The following ZGRF1 variants were observed in gnomAD, a reference collection of about 807,000 sequenced individuals.
The protein encoded by ZGRF1 is zinc finger GRF-type containing 1, also known as 5'-3' DNA helicase ZGRF1.
ZGRF1 carries 196 observed loss-of-function variants against 203.5 expected under a neutral mutation model. The ratio of observed to expected loss-of-function variants is 0.96; its 90% CI spans 0.86 to 1.08. The LOEUF (loss-of-function observed/expected upper bound fraction) is 1.08, where lower values mean the gene tolerates loss of function less well. ZGRF1 is among the 50% of genes least tolerant of loss of function. The pLI is 0.00. For synonymous variants in ZGRF1, 809 were observed against 841.3 expected (o/e 0.96, Z 0.66); for missense variants, 2,326 against 2,416.3 (o/e 0.96, Z 0.78).
chr4:112,545,270 A>T (rs75864361), intron 24 of ZGRF1, among the ~76,000 whole-genome samples: 6,558 of 146,530 alleles, frequency 0.045, 160 homozygotes, highest in Middle Eastern at 0.1. Flanking sequence ...GAATATATTT[A>T]AAAAAAAAAA....
intron 16 of ZGRF1, chr4:112,565,323 T>C: frequency 1.4e-6 from 2 of 1,413,116 alleles, no homozygotes; most frequent in Non-Finnish European, 2.0e-6. Context: ...ACCTGTGTGC[T>C]ATCCATGCCA....
At position 112,619,565 on chromosome 4, in the gene ZGRF1, A is replaced by C. The variant is rs1465255303; in HGVS notation, c.477T>G (p.Pro159=). 1.2e-6 allele frequency: 2 copies of C among 1,614,122 alleles called. No individual in the cohort carries two copies. Among genetic ancestry groups the C allele is most frequent in the Non-Finnish European group, 1.7e-6 (2 of 1,179,982 alleles). The change falls in exon 6 of 28, where the codon CCT becomes CCG. Residue 159 remains proline, a synonymous_variant. Transcript: ENST00000505019. ...TIFSPFCSMP[P]LFPTVGKKDV... is the part of the protein sequence containing the mutation. ...CTTTCTTGCCAACAGTAGGAAACAA[A>C]GGAGGCATGCTGCAGAATGGAGAAA... is the stretch of plus-strand genomic sequence containing the variant.
chr4:112,547,242 G>C lies in ZGRF1; in HGVS notation c.5598+43C>G, dbSNP rs1738982300. The C allele has an allele frequency of 1.9e-6, 3 of 1,573,476 alleles. No homozygotes were observed. The South Asian group carries it at 3.5e-5, about 19-fold the overall frequency. ...TATCAACACACACACACACAATGTAGAATCAATAAATGATAATTCCGTAAG... is the reference window on the plus strand; with the variant it reads ...TATCAACACACACACACACAATGTACAATCAATAAATGATAATTCCGTAAG... On this transcript the variant is annotated intron_variant, in intron 24 of 27. Coordinates refer to ENST00000505019, the MANE Select transcript of ZGRF1 (RefSeq NM_018392.5).
chr4:112,622,929 A>T (rs1254856595), intron 4 of ZGRF1, among the ~76,000 whole-genome samples: 2 of 152,250 alleles, frequency 1.3e-5, no homozygotes, highest in Non-Finnish European at 2.9e-5. Context: ...CCAAGTATTA[A>T]GTCTAGTACC....
chr4:112,635,892 G>T (rs2047603694), intron 1 of ZGRF1, among the ~76,000 whole-genome samples: 1 of 151,508 alleles, frequency 6.6e-6, no homozygotes, highest in Non-Finnish European at 1.5e-5. Flanking sequence ...TATTACTTCT[G>T]GAATGTACAG....
chr4:112,586,780 T>C (rs1016465136), intron 12 of ZGRF1, among the ~76,000 whole-genome samples, 197 bp from the exon 13 acceptor site: 37 of 152,202 alleles, frequency 2.4e-4, no homozygotes, highest in African/African-American at 8.9e-4. Flanking sequence ...TTTAACCCTA[T>C]ATAAGAGTAA....
chr4:112,542,706 T>C (rs1460445872), intron 24 of ZGRF1, among the ~76,000 whole-genome samples: 1 of 152,208 alleles, frequency 6.6e-6, no homozygotes, highest in Non-Finnish European at 1.5e-5. Context: ...CCTGAGTAGC[T>C]GGGACTACAG....
At chr4:112,541,680 C>T (rs2148807357) in intron 24 of ZGRF1, among the ~76,000 whole-genome samples, 1 of 152,090 alleles carries the variant, frequency 6.6e-6, no homozygotes, top group East Asian at 1.9e-4. Flanking sequence ...AGGCACCCAC[C>T]ATCATGCATG....
chr4:112,621,788 C>A (rs115392906), intron 4 of ZGRF1, among the ~76,000 whole-genome samples: 10,698 of 151,060 alleles, frequency 0.071, 512 homozygotes, highest in Non-Finnish European at 0.099. Flanking sequence ...AGTGCAACAG[C>A]GCAATCTCGG....
chr4:112,593,614 T>C (rs1157988895), intron 10 of ZGRF1, among the ~76,000 whole-genome samples: 2 of 152,166 alleles, frequency 1.3e-5, no homozygotes, highest in African/African-American at 4.8e-5. Flanking sequence ...TTCTGTTTCA[T>C]TCACCACAAT....
intron 6 of ZGRF1, among the ~76,000 whole-genome samples, chr4:112,614,826 CAA>C (rs111283881): frequency 2.1e-5 from 3 of 141,236 alleles, no homozygotes; most frequent in Admixed American, 7.1e-5. Context: ...GACTCTGTGT[CAA>C]AAAAAAAAAA....
chr4:112,632,096 T>C, intron 2 of ZGRF1, 86 bp from the exon 3 acceptor site: 1 of 560,824 alleles, frequency 1.8e-6, no homozygotes. Flanking sequence ...ACATACAAAA[T>C]ATATTTAAGG....
chr4:112,611,657 G>C (rs940704709), intron 7 of ZGRF1, among the ~76,000 whole-genome samples: 5 of 152,152 alleles, frequency 3.3e-5, no homozygotes, highest in African/African-American at 1.2e-4. Flanking sequence ...ACCCTGAGGT[G>C]GCACAATGAA....
intron 1 of ZGRF1, among the ~76,000 whole-genome samples, chr4:112,633,542 A>G (rs2047481883): frequency 6.6e-6 from 1 of 152,178 alleles, no homozygotes; most frequent in African/African-American, 2.4e-5. Context: ...TGTCCTCCAC[A>G]TGTTTGGTTC....
intron 14 of ZGRF1, among the ~76,000 whole-genome samples, chr4:112,584,719 A>T (rs893363958): frequency 1.3e-5 from 2 of 152,218 alleles, no homozygotes; most frequent in African/African-American, 4.8e-5. Context: ...ATCACTACTC[A>T]TGAATTTTTG....
intron 1 of ZGRF1, among the ~76,000 whole-genome samples, chr4:112,633,841 T>G (rs2047491832): frequency 6.6e-6 from 1 of 152,188 alleles, no homozygotes; most frequent in Non-Finnish European, 1.5e-5. Flanking sequence ...GAAACATACT[T>G]TCTTTTTTTT....
intron 24 of ZGRF1, 116 bp from the exon 25 acceptor site, chr4:112,541,384 C>G (rs1737563131): frequency 2.2e-6 from 1 of 455,204 alleles, no homozygotes; most frequent in Non-Finnish European, 3.9e-6. Context: ...AGATGAATTA[C>G]AACCATGATA....
intron 1 of ZGRF1, among the ~76,000 whole-genome samples, chr4:112,635,275 G>A (rs2047557669): frequency 6.6e-6 from 1 of 151,802 alleles, no homozygotes; most frequent in Non-Finnish European, 1.5e-5. Flanking sequence ...TGTATACATA[G>A]ATGAGAATAC....
chr4:112,610,949 CA>C (rs1259144130), intron 7 of ZGRF1: 15 of 286,500 alleles, frequency 5.2e-5, no homozygotes, highest in Non-Finnish European at 8.1e-5. Flanking sequence ...TAACTGGACA[CA>C]AAAAAATCTG....
Sources: allele counts gnomAD v4.1 joint callset (sites outside exome capture counted in the v4.1 genomes callset), GRCh38; gene constraint gnomAD v4.1.1; transcripts MANE v1.5; gene names NCBI Gene and HGNC (gene_info 2026-07-23, HGNC 2026-07-21).